AGMO: variants seen among roughly 807,000 people sequenced by gnomAD.
AGMO encodes the protein glyceryl-ether monooxygenase.
AGMO carries 75 observed loss-of-function variants against 60.2 expected under a neutral mutation model. The ratio of observed to expected loss-of-function variants is 1.25; its 90% CI spans 1.03 to 1.51. The LOEUF is 1.51. Ranked by LOEUF, AGMO falls within the 40% of genes most tolerant of loss-of-function variation. AGMO has a pLI of 0.00. For synonymous variants in AGMO, 261 were observed against 177.1 expected (o/e 1.47, Z -3.76); for missense variants, 763 against 525.5 (o/e 1.45, Z -4.42).
In AGMO at chr7:15,244,093, A is replaced by T. The variant is rs150814321; in HGVS notation, c.1264-42734T>A. 4.1e-3 allele frequency among the ~76,000 whole-genome samples: 618 copies of T among 152,282 alleles called. 4 individuals are homozygous for T. The highest frequency in any genetic ancestry group is 0.014 in the African/African-American group (591 of 41,534). Reference sequence around the variant, plus strand: ...CAGATCTCCTAGCAAACCCTGTCTGAGAGACAAAATGGTGTACATATGTTA... The same window carrying T: ...CAGATCTCCTAGCAAACCCTGTCTGTGAGACAAAATGGTGTACATATGTTA... On this transcript the variant is annotated intron_variant, in intron 12 of 12. Coordinates refer to ENST00000342526, the MANE Select transcript of AGMO (RefSeq NM_001004320.2).
the AGMO span, among the ~76,000 whole-genome samples, chr7:15,184,387 AG>A: frequency 4.3e-5 from 4 of 94,110 alleles, no homozygotes; most frequent in African/African-American, 1.4e-4. Flanking sequence ...AAGGAAGGAA[AG>A]AAGAGAGGGA....
chr7:15,406,531 A>T (rs1784698251), intron 5 of AGMO, among the ~76,000 whole-genome samples: 1 of 119,154 alleles, frequency 8.4e-6, no homozygotes, highest in African/African-American at 3.2e-5. Flanking sequence ...TTCAGGTCAG[A>T]AGACTCAAAA....
At chr7:15,421,072 C>T (rs1301444526) in intron 4 of AGMO, among the ~76,000 whole-genome samples, 1 of 152,072 alleles carries the variant, frequency 6.6e-6, no homozygotes, top group African/African-American at 2.4e-5. Flanking sequence ...TTGTGTGAGA[C>T]AGTATCATGA....
intron 3 of AGMO, among the ~76,000 whole-genome samples, chr7:15,524,270 G>A (rs1363743428): frequency 3.3e-5 from 5 of 151,478 alleles, no homozygotes; most frequent in African/African-American, 9.7e-5. Flanking sequence ...CTGTCCACTA[G>A]GAGGAACAGG....
At chr7:15,485,608 T>A (rs1027110880) in intron 3 of AGMO, among the ~76,000 whole-genome samples, 28 of 152,160 alleles carry the variant, frequency 1.8e-4, no homozygotes, top group African/African-American at 6.5e-4. Flanking sequence ...ATAACAGAGA[T>A]TATTTCTCCC....
chr7:15,138,354 T>G, the AGMO span, among the ~76,000 whole-genome samples: 1 of 152,292 alleles, frequency 6.6e-6, no homozygotes, highest in East Asian at 1.9e-4. Context: ...CCTGGATGAT[T>G]TAAGTAGAGT....
chr7:15,257,231 A>G (rs2128508433), intron 12 of AGMO, among the ~76,000 whole-genome samples: 1 of 152,286 alleles, frequency 6.6e-6, no homozygotes, highest in African/African-American at 2.4e-5. Context: ...ATATGGAATA[A>G]GTGGCTAAGA....
the AGMO span, among the ~76,000 whole-genome samples, chr7:15,189,577 A>G: frequency 0.02 from 3,036 of 152,184 alleles, 295 homozygotes; most frequent in East Asian, 0.32. Context: ...AAGTCAGCCA[A>G]TAAAATGTTA....
chr7:15,435,645 T>G (rs1781379028), intron 3 of AGMO, among the ~76,000 whole-genome samples: 1 of 152,180 alleles, frequency 6.6e-6, no homozygotes, highest in African/African-American at 2.4e-5. Context: ...TGCATTTATT[T>G]TCTTCCAGGC....
chr7:15,280,564 C>T (rs975474313), intron 12 of AGMO, among the ~76,000 whole-genome samples: 2 of 152,154 alleles, frequency 1.3e-5, no homozygotes, highest in African/African-American at 4.8e-5. Flanking sequence ...TACGGCCCCA[C>T]CTATAGCTTG....
intron 12 of AGMO, among the ~76,000 whole-genome samples, chr7:15,235,351 G>A (rs571404431): frequency 1.3e-4 from 20 of 152,028 alleles, no homozygotes; most frequent in Non-Finnish European, 2.8e-4. Flanking sequence ...AGAGAATGGC[G>A]AATGTGTAGT....
chr7:15,385,431 A>G lies in AGMO; in HGVS notation c.1074+15T>C. The G allele has an allele frequency of 1.4e-6, 2 of 1,467,066 alleles. No individual in the cohort carries two copies. The highest frequency in any genetic ancestry group is 2.3e-5 in the East Asian group (1 of 43,960). 90.9% of individuals were successfully genotyped at this position (1,467,066 alleles called of 1,614,324 possible). A position where few individuals can be genotyped will look rare whatever the true frequency, so the allele number is the denominator to read the frequency against. ...AGATAATGTTCTCACACTACTTAAA[A>G]TGGATATTACTTACAGCTGTATCTG... is the stretch of plus-strand genomic sequence containing the variant. On this transcript the variant is annotated intron_variant, in intron 10 of 12. Transcript: ENST00000342526.
At chr7:15,359,667 G>A (rs892236200) in intron 12 of AGMO, among the ~76,000 whole-genome samples, 1 of 152,098 alleles carries the variant, frequency 6.6e-6, no homozygotes, top group Non-Finnish European at 1.5e-5. Flanking sequence ...CCTAAAATAC[G>A]TCAACAACTA....
At chr7:15,184,370 A>G in the AGMO span, among the ~76,000 whole-genome samples, 22 of 4,416 alleles carry the variant, frequency 5.0e-3, 2 homozygotes, top group East Asian at 0.24. Context: ...AAGGAAGGGA[A>G]GGAAGGAAGG....
At chr7:15,172,581 T>C in the AGMO span, among the ~76,000 whole-genome samples, 2 of 152,160 alleles carry the variant, frequency 1.3e-5, no homozygotes, top group African/African-American at 4.8e-5. Context: ...CCCTAAGACT[T>C]TGGTGGTTGA....
chr7:15,318,941 C>G (rs1781024186), intron 12 of AGMO, among the ~76,000 whole-genome samples: 1 of 152,082 alleles, frequency 6.6e-6, no homozygotes, highest in Non-Finnish European at 1.5e-5. Flanking sequence ...CTTGATCATT[C>G]TTATTGGTGA....
intron 12 of AGMO, among the ~76,000 whole-genome samples, chr7:15,354,512 A>ACACG (rs1164381623): frequency 8.2e-5 from 7 of 84,988 alleles, no homozygotes; most frequent in African/African-American, 1.8e-4. Flanking sequence ...ATATATATAT[A>ACACG]TATATATATA....
chr7:15,119,047 A>C, the AGMO span, among the ~76,000 whole-genome samples: 4 of 151,394 alleles, frequency 2.6e-5, no homozygotes, highest in African/African-American at 9.7e-5. Context: ...AAATTGATTG[A>C]TATTAATTTC....
Position 15,394,133 on chromosome 7 carries a change from C to T in AGMO, c.656G>A (p.Ser219Asn), listed in dbSNP as rs1301903697. Residue 219 changes from serine to asparagine, a missense_variant, in exon 6 of 13, where the codon AGC becomes AAC. By Grantham distance (46) the Ser-to-Asn change is conservative. Coordinates refer to ENST00000342526, the MANE Select transcript of AGMO (RefSeq NM_001004320.2). ...CTTACCATGATGAACCCTATGATGG[C>T]TAGGAGTATTAAGAATCAGTTCCAA... ...GPLELILNTP[S>N]HHRVHHGRNR... 1.9e-6 allele frequency: 3 copies of T among 1,611,894 alleles called. No individual in the cohort carries two copies. The highest frequency in any genetic ancestry group is 2.5e-6 in the Non-Finnish European group (3 of 1,178,516).
Sources: allele counts gnomAD v4.1 joint callset (sites outside exome capture counted in the v4.1 genomes callset), GRCh38; gene constraint gnomAD v4.1.1; transcripts MANE v1.5; gene names NCBI Gene and HGNC (gene_info 2026-07-23, HGNC 2026-07-21).